C11orf65: variants seen among roughly 807,000 people sequenced by gnomAD.
C11orf65 encodes protein MFI.
C11orf65 carries 38 observed loss-of-function variants against 35.3 expected under a neutral mutation model. The observed-to-expected ratio is 1.08, with a 90% CI of 0.83 to 1.41. The LOEUF (loss-of-function observed/expected upper bound fraction) is 1.41, where lower values mean the gene tolerates loss of function less well. Among genes scored for constraint, C11orf65 ranks in the 40% most tolerant of loss-of-function variants. The probability of loss-of-function intolerance (pLI) is 0.00; values close to 1 mark genes in which losing one functional copy is unlikely to be tolerated. For synonymous variants in C11orf65, 105 were observed against 114.4 expected (o/e 0.92, Z 0.53); for missense variants, 370 against 367.1 (o/e 1.01, Z -0.06).
intron 6 of C11orf65, among the ~76,000 whole-genome samples, chr11:108,396,601 G>C: frequency 6.6e-6 from 1 of 151,662 alleles, no homozygotes; most frequent in East Asian, 2.0e-4. Context: ...GGAGGCCAAG[G>C]CGGGCGGATC....
chr11:108,435,784 A>G (rs1184857849), intron 2 of C11orf65, among the ~76,000 whole-genome samples: 2 of 152,180 alleles, frequency 1.3e-5, no homozygotes, highest in African/African-American at 2.4e-5. Flanking sequence ...CCATTCCCCT[A>G]AAACAAATGT....
intron 3 of C11orf65, among the ~76,000 whole-genome samples, chr11:108,408,021 ATTATTATT>A (rs1403287226): frequency 7.1e-6 from 1 of 141,634 alleles, no homozygotes; most frequent in Non-Finnish European, 1.5e-5. Flanking sequence ...TATTATTATT[ATTATTATT>A]TTATTATTAC....
intron 3 of C11orf65, among the ~76,000 whole-genome samples, chr11:108,410,395 G>C (rs937017250): frequency 6.6e-6 from 1 of 152,110 alleles, no homozygotes; most frequent in Non-Finnish European, 1.5e-5. Context: ...GAACCAACTG[G>C]CTTTTATTTG....
intron 3 of C11orf65, among the ~76,000 whole-genome samples, chr11:108,427,825 C>CTTTTTTTTT (rs1164726398): frequency 1.7e-5 from 1 of 59,020 alleles, no homozygotes; most frequent in Non-Finnish European, 2.9e-5. Context: ...GAATGGCAAT[C>CTTTTTTTTT]TTTTTTTTTT....
intron 2 of C11orf65, among the ~76,000 whole-genome samples, chr11:108,450,718 T>C (rs1404178990): frequency 1.3e-5 from 2 of 151,336 alleles, no homozygotes; most frequent in African/African-American, 2.4e-5. Flanking sequence ...GGCACATGTA[T>C]ACATATGTAA....
rs537159180 is a variant in C11orf65, at chr11:108,386,986, CAGG to C, written c.732-1014_732-1012del. On this transcript the variant is annotated intron_variant, in intron 7 of 8. Coordinates refer to ENST00000393084, the MANE Select transcript of C11orf65 (RefSeq NM_152587.5). ...GTTTCAGCTACTCGGGAGGCTGAGG[CAGG>C]AGAACGGCCTAAAACCTGGGAGGTG... Among the ~76,000 whole-genome samples the C allele has an allele frequency of 3.3e-5, 5 of 151,362 alleles. No homozygotes were observed. In the East Asian group the frequency reaches 9.7e-4, roughly 29 times the overall value.
At chr11:108,469,085 G>A (rs2093562442), upstream of C11orf65, among the ~76,000 whole-genome samples, 1 of 151,560 alleles carries the variant, frequency 6.6e-6, no homozygotes, top group African/African-American at 2.4e-5. Context: ...GTGGCGCGCT[G>A]CCTGTAGTCC....
At chr11:108,372,263 G>A (rs1040844276) in intron 2 of C11orf65, among the ~76,000 whole-genome samples, 6 of 152,056 alleles carry the variant, frequency 3.9e-5, no homozygotes, top group African/African-American at 7.2e-5. Context: ...GCACGATCTC[G>A]GCTCACTGCA....
intron 3 of C11orf65, among the ~76,000 whole-genome samples, chr11:108,420,986 G>A (rs1280626151): frequency 3.3e-5 from 5 of 152,044 alleles, no homozygotes; most frequent in Non-Finnish European, 7.4e-5. Flanking sequence ...AACCATTAGT[G>A]ACATTTAGTA....
rs587780640 is a variant in C11orf65 at position 108,334,992 on chromosome 11, AAATCTGGTGACTATAC to A, written c.299+212_299+227del. 3 of 1,613,596 alleles carry A rather than the reference AAATCTGGTGACTATAC, an allele frequency of 1.9e-6. No homozygotes were observed. Among genetic ancestry groups the A allele is most frequent in the Non-Finnish European group, 8.5e-7 (1 of 1,179,570 alleles). The stretch of plus-strand genomic sequence containing the variant: ...AGGTGGACCACACAGGAGAATATGG[AAATCTGGTGACTATAC>A]AGTCATTTAAAGCAGAATTTCGCTT... On this transcript the variant is annotated intron_variant, in intron 3 of 3. Transcript: ENST00000524755.
At chr11:108,445,864 A>C (rs1291666645) in intron 2 of C11orf65, among the ~76,000 whole-genome samples, 1 of 152,156 alleles carries the variant, frequency 6.6e-6, no homozygotes, top group Non-Finnish European at 1.5e-5. Flanking sequence ...AAAGAAGTTA[A>C]AAACTTTGAA....
chr11:108,321,536 A>G lies in C11orf65; in HGVS notation c.641-12465T>C. The G allele has an allele frequency of 3.4e-6, 5 of 1,472,744 alleles. No individual in the cohort carries two copies. The South Asian group carries it at 5.7e-5, about 17-fold the overall frequency. 91.2% of individuals were successfully genotyped at this position (1,472,744 alleles called of 1,614,324 possible). On this transcript the variant is annotated intron_variant, in intron 6 of 6. Coordinates refer to the C11orf65 transcript ENST00000525729. The stretch of plus-strand genomic sequence containing the variant: ...GGTGGCTCATGCCTGTAATCCTAGC[A>G]CTTTAGAAGGCTGAAGTGGGTGGAT...
At chr11:108,384,620 A>G (rs183666577) in intron 8 of C11orf65, among the ~76,000 whole-genome samples, 159 of 152,182 alleles carry the variant, frequency 1.0e-3, no homozygotes, top group Non-Finnish European at 1.9e-3. Context: ...CAAAAATACA[A>G]AAATTAGCTG....
chr11:108,460,887 A>G (rs755007034), intron 2 of C11orf65, among the ~76,000 whole-genome samples: 6 of 151,704 alleles, frequency 4.0e-5, no homozygotes, highest in African/African-American at 7.3e-5. Context: ...CACCACACCC[A>G]GCTAATTTTG....
chr11:108,320,261 T>C (rs1349992676), intron 6 of C11orf65, among the ~76,000 whole-genome samples: 4 of 152,244 alleles, frequency 2.6e-5, no homozygotes, highest in Non-Finnish European at 5.9e-5. Context: ...TTCTTTACCC[T>C]GACCCTTCAA....
chr11:108,334,872 C>A, intron 3 of C11orf65: 1 of 1,399,328 alleles, frequency 7.1e-7, no homozygotes, highest in Non-Finnish European at 1.0e-6. Context: ...TCATTTGTTT[C>A]TCTGTTTAAT....
At position 108,321,351 on chromosome 11, in the gene C11orf65, C is replaced by T. The variant is rs200431631; in HGVS notation, c.641-12280G>A. ...AAGCGCAGCCTTGAGTCTGTGTATT[C>T]GCTCTATCCCACACTTAGCAGGTTG... On this transcript the variant is annotated intron_variant, in intron 6 of 6. Coordinates refer to the C11orf65 transcript ENST00000525729. 59 of 1,614,086 alleles carry T rather than the reference C, an allele frequency of 3.7e-5. No individual in the cohort carries two copies. In the East Asian group the frequency reaches 6.5e-4, roughly 18 times the overall value.
downstream of C11orf65, chr11:108,331,315 T>C: frequency 2.1e-6 from 3 of 1,452,912 alleles, no homozygotes; most frequent in South Asian, 1.5e-5. Flanking sequence ...GAAAACAATA[T>C]AGTTAGTGAA....
rs781215442 is a variant in C11orf65 at position 108,332,026 on chromosome 11, C to T, written c.300-459G>A. The T allele has an allele frequency of 2.5e-6, 4 of 1,613,662 alleles. No individual in the cohort carries two copies. Among genetic ancestry groups the T allele is most frequent in the Non-Finnish European group, 3.4e-6 (4 of 1,179,842 alleles). On this transcript the variant is annotated intron_variant, in intron 3 of 3. Transcript: ENST00000524755. ...TAAAAATGTGCCTAAACAAAGCTCT[C>T]AGCTTGATGAGGTATTTGGATTAAA...
Sources: allele counts gnomAD v4.1 joint callset (sites outside exome capture counted in the v4.1 genomes callset), GRCh38; gene constraint gnomAD v4.1.1; transcripts MANE v1.5; gene names NCBI Gene and HGNC (gene_info 2026-07-23, HGNC 2026-07-21).